PSMD1: variants seen among roughly 807,000 people sequenced by gnomAD.
PSMD1 encodes the protein 26S proteasome non-ATPase regulatory subunit 1.
In PSMD1, 18 loss-of-function variants were observed where a neutral mutation model predicts 119.0. The observed-to-expected ratio is 0.15, with a 90% CI of 0.10 to 0.22. PSMD1 has a LOEUF of 0.22. Among genes scored for constraint, PSMD1 ranks in the 10% least tolerant of loss-of-function variants. The pLI, the probability that PSMD1 is intolerant of heterozygous loss-of-function variation, is 1.00. For missense variants in PSMD1, 702 were observed against 1,158.5 expected, an observed-to-expected ratio of 0.61 and a Z score of 5.72; for synonymous variants, 374 against 396.6, an observed-to-expected ratio of 0.94 and a Z score of 0.68.
intron 4 of PSMD1, among the ~76,000 whole-genome samples, chr2:231,064,764 C>G (rs1693857368): frequency 6.6e-6 from 1 of 152,190 alleles, no homozygotes; most frequent in South Asian, 2.1e-4. Context: ...CTCCCTGGTT[C>G]AAGTGATTCT....
chr2:231,127,477 C>T (rs542185893), intron 16 of PSMD1, among the ~76,000 whole-genome samples: 1 of 152,268 alleles, frequency 6.6e-6, no homozygotes, highest in Admixed American at 6.5e-5. Flanking sequence ...GTCTCAGCCT[C>T]CCAAGTAGCT....
chr2:231,108,867 C>T (rs1031804921), intron 16 of PSMD1: 1 of 1,614,090 alleles, frequency 6.2e-7, no homozygotes, highest in Non-Finnish European at 8.5e-7. Context: ...CCTATCCACA[C>T]AAATATCTCC....
chr2:231,169,855 G>T (rs1696873529), intron 23 of PSMD1, among the ~76,000 whole-genome samples: 1 of 152,122 alleles, frequency 6.6e-6, no homozygotes, highest in African/African-American at 2.4e-5. Flanking sequence ...GTTTGGGAGA[G>T]GGCTTAATAG....
In PSMD1 at chr2:231,117,182, G is replaced by A. The variant is rs533228170; in HGVS notation, c.1884-21554G>A. Among the ~76,000 whole-genome samples the A allele has an allele frequency of 7.2e-5, 11 of 152,076 alleles. No homozygotes were observed. The East Asian group carries it at 2.1e-3, about 29-fold the overall frequency. ...AATAACTAAATTAAAGGTTAAGTTGGTATGGTGAAATACTTTATTTCAAAA... is the reference window on the plus strand; with the variant it reads ...AATAACTAAATTAAAGGTTAAGTTGATATGGTGAAATACTTTATTTCAAAA... On this transcript the variant is annotated intron_variant, in intron 16 of 24. Transcript: ENST00000308696.
At chr2:231,080,052 C>A in intron 11 of PSMD1, 89 bp from the exon 12 acceptor site, 1 of 1,188,808 alleles carries the variant, frequency 8.4e-7, no homozygotes, top group Non-Finnish European at 1.2e-6. Flanking sequence ...AGTGAACATT[C>A]TGGGGAAAAG....
chr2:231,165,371 A>G (rs1229887314), intron 22 of PSMD1, 85 bp downstream of exon 22: 22 of 1,374,444 alleles, frequency 1.6e-5, no homozygotes, highest in African/African-American at 1.5e-5. Context: ...ATATTATTCT[A>G]CCTTGCTCTT....
At chr2:231,092,038 A>G (rs1694609539) in intron 16 of PSMD1, among the ~76,000 whole-genome samples, 1 of 152,284 alleles carries the variant, frequency 6.6e-6, no homozygotes, top group African/African-American at 2.4e-5. Context: ...CAAGTTACCT[A>G]CAAAGGTAGC....
At chr2:231,160,742 G>A (rs902309237) in intron 19 of PSMD1, among the ~76,000 whole-genome samples, 2 of 152,056 alleles carry the variant, frequency 1.3e-5, no homozygotes, top group Non-Finnish European at 2.9e-5. Flanking sequence ...TTTGAAAAAC[G>A]CCTGCCTATA....
intron 16 of PSMD1, among the ~76,000 whole-genome samples, chr2:231,096,149 G>A (rs1694718912): frequency 6.6e-6 from 1 of 152,088 alleles, no homozygotes; most frequent in African/African-American, 2.4e-5. Context: ...AAAATAAATG[G>A]GTTCATGTAC....
At chr2:231,117,288 A>G (rs1041168139) in intron 16 of PSMD1, among the ~76,000 whole-genome samples, 8 of 152,048 alleles carry the variant, frequency 5.3e-5, no homozygotes, top group East Asian at 1.9e-4. Context: ...ATACTTCCAC[A>G]AAGACTTAAG....
At chr2:231,152,027 C>T (rs1448847587) in intron 18 of PSMD1, among the ~76,000 whole-genome samples, 6 of 151,806 alleles carry the variant, frequency 4.0e-5, no homozygotes, top group East Asian at 1.9e-4. Flanking sequence ...TTGGGCAGGC[C>T]GGTCTCAAAC....
intron 4 of PSMD1, among the ~76,000 whole-genome samples, 169 bp from the exon 5 acceptor site, chr2:231,066,737 T>TA (rs1233048926): frequency 6.6e-6 from 1 of 151,856 alleles, no homozygotes; most frequent in Non-Finnish European, 1.5e-5. Context: ...TTCTCCGGTG[T>TA]AAATATTATG....
intron 16 of PSMD1, chr2:231,123,574 A>G: frequency 6.2e-7 from 1 of 1,614,114 alleles, no homozygotes; most frequent in Non-Finnish European, 8.5e-7. Context: ...GGGTATTATC[A>G]CCATGAGTAT....
intron 16 of PSMD1, among the ~76,000 whole-genome samples, chr2:231,103,439 T>C (rs1423925300): frequency 6.6e-6 from 1 of 152,220 alleles, no homozygotes; most frequent in Non-Finnish European, 1.5e-5. Flanking sequence ...GTTACACTTT[T>C]CATAGAAGTG....
chr2:231,121,158 C>T (rs1398291283), intron 16 of PSMD1, among the ~76,000 whole-genome samples: 1 of 152,120 alleles, frequency 6.6e-6, no homozygotes, highest in East Asian at 1.9e-4. Context: ...TAAAAATCTA[C>T]AAACCCCACT....
At chr2:231,069,914 A>T in intron 5 of PSMD1, 111 bp from the exon 6 acceptor site, 1 of 885,402 alleles carries the variant, frequency 1.1e-6, no homozygotes, top group South Asian at 4.8e-5. Context: ...AGGTCTAAAT[A>T]ATTGGCTTCC....
intron 16 of PSMD1, among the ~76,000 whole-genome samples, chr2:231,102,693 C>A (rs1694897107): frequency 6.6e-6 from 1 of 151,634 alleles, no homozygotes; most frequent in Non-Finnish European, 1.5e-5. Context: ...GTTGGTCTTG[C>A]TGTCTCAGTG....
intron 1 of PSMD1, among the ~76,000 whole-genome samples, chr2:231,059,135 A>G (rs1440274427): frequency 3.3e-5 from 5 of 152,238 alleles, no homozygotes; most frequent in Non-Finnish European, 7.3e-5. Context: ...ACTTGGTGAC[A>G]ATATAATAGA....
chr2:231,170,849 A>G lies in PSMD1; in HGVS notation c.*9+128A>G. ...ATCCTTATTTACCTAAACAGTATTA[A>G]AACTTCCCCGTTTCAACCTTTTTCT... is the stretch of plus-strand genomic sequence containing the variant. On this transcript the variant is annotated intron_variant, in intron 24 of 24. Transcript: ENST00000308696. This position sits in a 1 kb window ranked among gnomAD's most constrained non-coding sequence, Gnocchi z 4.1. 9.7e-7 allele frequency: 1 copy of G among 1,034,480 alleles called. No individual in the cohort carries two copies. The highest frequency in any genetic ancestry group is 2.1e-5 in the South Asian group (1 of 47,434). 64.1% of individuals were successfully genotyped at this position (1,034,480 alleles called of 1,614,324 possible).
Sources: allele counts gnomAD v4.1 joint callset (sites outside exome capture counted in the v4.1 genomes callset), GRCh38; gene constraint gnomAD v4.1.1; non-coding constraint Gnocchi (gnomAD v3.1); transcripts MANE v1.5; gene names NCBI Gene and HGNC (gene_info 2026-07-23, HGNC 2026-07-21).